The following EFCAB5 variants were observed in gnomAD, a reference collection of about 807,000 sequenced individuals.
EFCAB5 encodes the protein EF-hand calcium binding domain 5.
In EFCAB5, 131 loss-of-function variants were observed where a neutral mutation model predicts 167.9. The ratio of observed to expected loss-of-function variants is 0.78; its 90% CI spans 0.68 to 0.90. The LOEUF (loss-of-function observed/expected upper bound fraction) is 0.90, where lower values mean the gene tolerates loss of function less well. EFCAB5 is among the 40% of genes least tolerant of loss of function. The pLI, the probability that EFCAB5 is intolerant of heterozygous loss-of-function variation, is 0.00. For missense variants in EFCAB5, 1,663 were observed against 1,745.2 expected (o/e 0.95, Z 0.84); for synonymous variants, 574 against 602.8 (o/e 0.95, Z 0.70).
chr17:29,974,853 A>G (rs1332067763), intron 4 of EFCAB5, among the ~76,000 whole-genome samples: 1 of 152,084 alleles, frequency 6.6e-6, no homozygotes, highest in South Asian at 2.1e-4. Flanking sequence ...TGAATTTCAT[A>G]TAATCTTCAC....
intron 3 of EFCAB5, among the ~76,000 whole-genome samples, chr17:29,960,068 C>G (rs572911667): frequency 6.6e-6 from 1 of 152,282 alleles, no homozygotes; most frequent in South Asian, 2.1e-4. Context: ...CTGTGGGCAC[C>G]AGCTGAATTC....
At chr17:30,010,709 T>A (rs1264120371) in intron 7 of EFCAB5, among the ~76,000 whole-genome samples, 2 of 152,212 alleles carry the variant, frequency 1.3e-5, no homozygotes, top group Non-Finnish European at 2.9e-5. Context: ...ATGTTAGCCC[T>A]TTGTCAGATG....
At chr17:30,067,487 T>G (rs1207170551) in intron 14 of EFCAB5, among the ~76,000 whole-genome samples, 1 of 151,782 alleles carries the variant, frequency 6.6e-6, no homozygotes, top group Non-Finnish European at 1.5e-5. Flanking sequence ...AAATAAAAGA[T>G]CATTCACCCT....
chr17:30,101,982 C>T (rs2071388465), intron 22 of EFCAB5, among the ~76,000 whole-genome samples: 1 of 152,198 alleles, frequency 6.6e-6, no homozygotes, highest in Non-Finnish European at 1.5e-5. Context: ...AGTTAGCATC[C>T]TCTTTCTCTC....
At chr17:30,019,427 C>A (rs948272177) in intron 7 of EFCAB5, among the ~76,000 whole-genome samples, 3 of 151,066 alleles carry the variant, frequency 2.0e-5, no homozygotes, top group Non-Finnish European at 4.4e-5. Context: ...AAATATTGAA[C>A]CATCCCTCTC....
At chr17:30,034,815 A>C (rs962432905) in intron 8 of EFCAB5, among the ~76,000 whole-genome samples, 1 of 152,156 alleles carries the variant, frequency 6.6e-6, no homozygotes, top group African/African-American at 2.4e-5. Context: ...TGAATGTGAA[A>C]AGGGAAACAT....
intron 3 of EFCAB5, among the ~76,000 whole-genome samples, chr17:29,948,774 C>T (rs1032100354): frequency 2.1e-4 from 32 of 152,138 alleles, no homozygotes; most frequent in African/African-American, 7.2e-4. Flanking sequence ...CTGAGCTTAA[C>T]TTGCATTTTG....
intron 14 of EFCAB5, among the ~76,000 whole-genome samples, chr17:30,071,511 G>A (rs1319473404): frequency 1.4e-4 from 21 of 151,772 alleles, no homozygotes; most frequent in Admixed American, 1.4e-3. Context: ...AAATGCTGGC[G>A]AGGATGCAGA....
rs145366417 is a variant in EFCAB5, at chr17:30,051,119, T to G, written c.1202T>G (p.Val401Gly). 8 of 1,613,588 alleles carry G rather than the reference T, an allele frequency of 5.0e-6. No individual in the cohort carries two copies. In the East Asian group the frequency reaches 1.8e-4, roughly 36 times the overall value. ...ELFLHCDHGK[V>G]GFLDRQRTLA... ...TCACAAACTTTCTTCTTTGCTTAGGTAGGGTTTTTGGATCGGCAGAGGACA... is the reference window on the plus strand; with the variant it reads ...TCACAAACTTTCTTCTTTGCTTAGGGAGGGTTTTTGGATCGGCAGAGGACA... The change falls in exon 9 of 23, where the codon GTA (valine) becomes GGA (glycine). Residue 401 changes from valine to glycine, a missense_variant and splice_region_variant. Physicochemically the swap from Val to Gly is moderately radical, Grantham distance 109. Transcript: ENST00000394835.
At chr17:30,083,190 C>A in intron 18 of EFCAB5, 147 bp downstream of exon 18, 1 of 1,197,952 alleles carries the variant, frequency 8.3e-7, no homozygotes, top group African/African-American at 1.6e-5. Context: ...TTGTGAGTGA[C>A]AGGAATCCAT....
At chr17:30,073,498 C>A (rs7207021) in intron 14 of EFCAB5, 304,362 of 557,310 alleles carry the variant, frequency 0.55, 87,531 homozygotes, top group African/African-American at 0.84. Flanking sequence ...CTGTCCCTCT[C>A]TCCTTCCATC....
At chr17:30,090,131 C>A (rs2071165673) in intron 19 of EFCAB5, among the ~76,000 whole-genome samples, 1 of 152,118 alleles carries the variant, frequency 6.6e-6, no homozygotes, top group Non-Finnish European at 1.5e-5. Context: ...TTCAGATAAG[C>A]CAAGACAACG....
At chr17:30,026,011 G>A (rs1343673280) in intron 7 of EFCAB5, among the ~76,000 whole-genome samples, 1 of 150,678 alleles carries the variant, frequency 6.6e-6, no homozygotes, top group Admixed American at 6.6e-5. Flanking sequence ...ACACTCTGGG[G>A]ATTGTTGTGG....
intron 3 of EFCAB5, among the ~76,000 whole-genome samples, chr17:29,963,382 GCATTCCTGAGATAAAT>G (rs1460237104): frequency 6.6e-6 from 1 of 152,086 alleles, no homozygotes; most frequent in Non-Finnish European, 1.5e-5. Flanking sequence ...AGCCACCTTT[GCATTCCTGAGATAAAT>G]CTGGAAAGAT....
At position 30,029,577 on chromosome 17, in the gene EFCAB5, A is replaced by T. The variant is rs562406818; in HGVS notation, c.1045-4653A>T. Among the ~76,000 whole-genome samples the T allele has an allele frequency of 2.4e-4, 36 of 148,876 alleles. No homozygotes were observed. In the East Asian group the frequency reaches 5.3e-3, roughly 22 times the overall value. On this transcript the variant is annotated intron_variant, in intron 7 of 22. Coordinates refer to ENST00000394835, the MANE Select transcript of EFCAB5 (RefSeq NM_198529.4). ...AGCACTAATCTTTTTTTTTTTTTTT[A>T]AAGTTTCCTCCCTAAAACTGGAAAG...
upstream of EFCAB5, among the ~76,000 whole-genome samples, chr17:29,941,174 C>T (rs186602973): frequency 1.8e-4 from 27 of 152,280 alleles, no homozygotes; most frequent in East Asian, 4.8e-3. Flanking sequence ...CAACACCTAG[C>T]TCATATATAT....
chr17:30,026,961 C>CTTTTTTTTTTTT (rs71138868), intron 7 of EFCAB5, among the ~76,000 whole-genome samples: 1 of 64,550 alleles, frequency 1.5e-5, no homozygotes, highest in Non-Finnish European at 2.9e-5. Context: ...CTCCTTGTAC[C>CTTTTTTTTTTTT]TTTTTTTTTT....
At chr17:30,001,874 A>T (rs986815454) in intron 7 of EFCAB5, among the ~76,000 whole-genome samples, 1 of 152,156 alleles carries the variant, frequency 6.6e-6, no homozygotes, top group African/African-American at 2.4e-5. Context: ...CACACAACTC[A>T]GTTATTATTA....
intron 22 of EFCAB5, among the ~76,000 whole-genome samples, chr17:30,101,192 T>C (rs2071378554): frequency 6.6e-6 from 1 of 152,212 alleles, no homozygotes; most frequent in African/African-American, 2.4e-5. Flanking sequence ...AGGAACGATA[T>C]GACCTATGTT....
Sources: gnomAD v4.1 joint callset for allele counts (sites outside exome capture counted in the v4.1 genomes callset) on GRCh38, gnomAD v4.1.1 for gene constraint, MANE v1.5 for transcripts, NCBI Gene and HGNC (gene_info 2026-07-23, HGNC 2026-07-21) for gene names.